AAR2: variants seen among roughly 807,000 people sequenced by gnomAD.
AAR2 encodes protein AAR2 homolog.
A neutral mutation model predicts 26.9 loss-of-function variants in AAR2; 31 were observed. That is an observed-to-expected ratio of 1.15 (90% CI 0.86 to 1.55). AAR2 has a LOEUF of 1.55. Among genes scored for constraint, AAR2 ranks in the 40% most tolerant of loss-of-function variants. The probability of loss-of-function intolerance (pLI) is 0.00; values close to 1 mark genes in which losing one functional copy is unlikely to be tolerated. For missense variants in AAR2, 430 were observed against 491.3 expected (o/e 0.88, Z 1.18); for synonymous variants, 188 against 196.1 (o/e 0.96, Z 0.34).
chr20:36,238,252 G>A (rs2064638634), intron 1 of AAR2, among the ~76,000 whole-genome samples: 1 of 152,094 alleles, frequency 6.6e-6, no homozygotes, highest in Non-Finnish European at 1.5e-5. Flanking sequence ...CAAAAATTCT[G>A]TTATTTTCGT....
intron 3 of AAR2, among the ~76,000 whole-genome samples, chr20:36,246,022 T>A (rs2064731311): frequency 6.6e-6 from 1 of 152,178 alleles, no homozygotes; most frequent in Non-Finnish European, 1.5e-5. Context: ...GAGACCCTGT[T>A]CACTCATTGA....
Position 36,240,099 on chromosome 20 carries a change from C to T in AAR2, c.231C>T (p.Phe77=). 4 of 1,614,238 alleles carry T rather than the reference C, an allele frequency of 2.5e-6. No individual in the cohort carries two copies. The highest frequency in any genetic ancestry group is 3.4e-6 in the Non-Finnish European group (4 of 1,180,040). ...NPKEVGPRMG[F]FLSLHQRGLT... is the part of the protein sequence containing the mutation. ...AGGAAGTAGGCCCTCGTATGGGTTT[C>T]TTCCTTAGCCTGCACCAGCGGGGGC... is the stretch of plus-strand genomic sequence containing the variant. Residue 77 remains phenylalanine, a synonymous_variant, in exon 2 of 4, where the codon TTC becomes TTT. Coordinates refer to ENST00000320849, the MANE Select transcript of AAR2 (RefSeq NM_001271874.2).
intron 3 of AAR2, among the ~76,000 whole-genome samples, chr20:36,251,066 A>T (rs1168931119): frequency 6.6e-6 from 1 of 152,070 alleles, no homozygotes; most frequent in Non-Finnish European, 1.5e-5. Flanking sequence ...GCATGGTGGC[A>T]TGTACCTATA....
intron 3 of AAR2, among the ~76,000 whole-genome samples, chr20:36,247,427 C>T (rs937996625): frequency 6.6e-6 from 1 of 152,158 alleles, no homozygotes; most frequent in South Asian, 2.1e-4. Context: ...AAACATTGGT[C>T]GCAAAGGCCA....
intron 1 of AAR2, 138 bp from the exon 2 acceptor site, chr20:36,239,683 C>T: frequency 2.9e-6 from 2 of 681,734 alleles, no homozygotes; most frequent in East Asian, 2.9e-5. Context: ...TCTGTAAACT[C>T]AATGCAGGGT....
chr20:36,255,924 T>C lies in AAR2; in HGVS notation c.*179T>C, dbSNP rs111273847. ...TATATTTCTTCATTGCCAAAGAGGC[T>C]GTACCCATCCTGAAGGCACATTTGT... On this transcript the variant is annotated 3_prime_UTR_variant, in exon 4 of 4. Coordinates refer to ENST00000320849, the MANE Select transcript of AAR2 (RefSeq NM_001271874.2). 4 of 885,884 alleles carry C rather than the reference T, an allele frequency of 4.5e-6. No homozygotes were observed. The East Asian group carries it at 1.1e-4, about 24-fold the overall frequency. The allele number at this position is 885,884 out of a possible 1,614,324, so 54.9% of individuals were successfully genotyped here. A position where few individuals can be genotyped will look rare whatever the true frequency, so the allele number is the denominator to read the frequency against.
rs201329835 is a variant in AAR2 at position 36,239,992 on chromosome 20, G to A, written c.124G>A (p.Gly42Arg). 1.4e-5 allele frequency: 23 copies of A among 1,614,038 alleles called. No homozygotes were observed. Among genetic ancestry groups the A allele is most frequent in the East Asian group, 2.2e-5 (1 of 44,892 alleles). Reference sequence around the variant, plus strand: ...GATTGACTATAACTCCTGGGAGGTCGGGCCCAAGTTCCGGGGCGTGAAGAT... The same window carrying A: ...GATTGACTATAACTCCTGGGAGGTCAGGCCCAAGTTCCGGGGCGTGAAGAT... ...FGIDYNSWEV[G>R]PKFRGVKMIP... is the part of the protein sequence containing the mutation. The change falls in exon 2 of 4, where the codon GGG (glycine) becomes AGG (arginine). Residue 42 changes from glycine to arginine, a missense_variant. By Grantham distance (125) the Gly-to-Arg change is moderately radical. Coordinates refer to ENST00000320849, the MANE Select transcript of AAR2 (RefSeq NM_001271874.2).
chr20:36,253,482 C>T (rs1029801874), intron 3 of AAR2, among the ~76,000 whole-genome samples: 2 of 152,166 alleles, frequency 1.3e-5, no homozygotes, highest in Non-Finnish European at 2.9e-5. Context: ...TCTGTTGTAT[C>T]TTTCCAGGGT....
chr20:36,255,176 C>T (rs1361042683), intron 3 of AAR2, among the ~76,000 whole-genome samples: 3 of 152,224 alleles, frequency 2.0e-5, no homozygotes, highest in Non-Finnish European at 4.4e-5. Flanking sequence ...AGCAGCAATT[C>T]AGTCGTGTTG....
At chr20:36,252,423 TCAACAG>T (rs2064787378) in intron 3 of AAR2, among the ~76,000 whole-genome samples, 1 of 152,106 alleles carries the variant, frequency 6.6e-6, no homozygotes, top group African/African-American at 2.4e-5. Context: ...GTGGACAAGA[TCAACAG>T]CAAATGGCCT....
Position 36,240,188 on chromosome 20 carries a change from A to T in AAR2, c.320A>T (p.Glu107Val), listed in dbSNP as rs751659734. 6.8e-5 allele frequency: 109 copies of T among 1,614,034 alleles called. No homozygotes were observed. In the Admixed American group the frequency reaches 9.2e-4, roughly 14 times the overall value. Residue 107 changes from glutamate to valine, a missense_variant, in exon 2 of 4, where the codon GAG becomes GTG. Transcript: ENST00000320849. ...GACCTGTCCCCAGCCCCAGAGTCTGAGGTGGAGGCCATGAGGGCCAACCTC... is the reference window on the plus strand; with the variant it reads ...GACCTGTCCCCAGCCCCAGAGTCTGTGGTGGAGGCCATGAGGGCCAACCTC... ...EVDLSPAPES[E>V]VEAMRANLQE...
At position 36,255,999 on chromosome 20, in the gene AAR2, A is replaced by C; in HGVS notation, c.*254A>C. 1 of 500,606 alleles carries C rather than the reference A, an allele frequency of 2.0e-6. No homozygotes were observed. The allele number at this position is 500,606 out of a possible 1,614,324, so 31.0% of individuals were successfully genotyped here. ...GTGCTAACCTGGCTGAATTTCACAC[A>C]GGCTCTTACACACACACGCTCCTAG... is the stretch of plus-strand genomic sequence containing the variant. On this transcript the variant is annotated 3_prime_UTR_variant, in exon 4 of 4. Coordinates refer to ENST00000320849, the MANE Select transcript of AAR2 (RefSeq NM_001271874.2).
At chr20:36,247,040 C>T (rs2064740821) in intron 3 of AAR2, among the ~76,000 whole-genome samples, 1 of 152,146 alleles carries the variant, frequency 6.6e-6, no homozygotes, top group Admixed American at 6.5e-5. Flanking sequence ...AGACTCTGTT[C>T]TAGAACTGGG....
rs2064657865 is a variant in AAR2, at chr20:36,239,945, T to C, written c.77T>C (p.Met26Thr). 4 of 1,614,056 alleles carry C rather than the reference T, an allele frequency of 2.5e-6. No individual in the cohort carries two copies. Among genetic ancestry groups the C allele is most frequent in the Non-Finnish European group, 3.4e-6 (4 of 1,179,932 alleles). ...GGGGCCACTGTGGTCATCCTGAACA[T>C]GCCCAAGGGAACAGAGTTTGGGATT... The part of the protein sequence containing the change: ...FEGATVVILN[M>T]PKGTEFGIDY... Residue 26 changes from methionine (M) to threonine (T), a missense_variant, in exon 2 of 4, where the codon ATG (methionine) becomes ACG (threonine). Physicochemically the swap from Met to Thr is moderately conservative, Grantham distance 81. Transcript: ENST00000320849.
intron 3 of AAR2, among the ~76,000 whole-genome samples, chr20:36,254,755 A>G (rs1275970385): frequency 6.6e-6 from 1 of 152,206 alleles, no homozygotes; most frequent in African/African-American, 2.4e-5. Context: ...TCAGCTTCAC[A>G]TGGGGTTATG....
At chr20:36,240,752 A>G in intron 2 of AAR2, 127 bp downstream of exon 2, 1 of 1,278,600 alleles carries the variant, frequency 7.8e-7, no homozygotes, top group South Asian at 1.5e-5. Context: ...CTGAAGATAC[A>G]GGTGTGTCTT....
chr20:36,241,025 C>T (rs866208952), intron 2 of AAR2, among the ~76,000 whole-genome samples: 5 of 152,062 alleles, frequency 3.3e-5, no homozygotes, highest in Non-Finnish European at 1.5e-5. Context: ...TTGCTCCTGA[C>T]CCTCAAGATG....
chr20:36,249,725 A>G (rs751423969), intron 3 of AAR2, among the ~76,000 whole-genome samples: 7 of 152,212 alleles, frequency 4.6e-5, no homozygotes, highest in South Asian at 2.1e-4. Context: ...CATTATATAG[A>G]TGAGGAAGCA....
intron 1 of AAR2, among the ~76,000 whole-genome samples, chr20:36,238,460 A>G (rs1189096620): frequency 2.6e-5 from 4 of 152,164 alleles, no homozygotes; most frequent in African/African-American, 9.7e-5. Context: ...TATTTAAAGT[A>G]AAAAGGGTAA....
Sources: gnomAD v4.1 joint callset for allele counts (sites outside exome capture counted in the v4.1 genomes callset) on GRCh38, gnomAD v4.1.1 for gene constraint, MANE v1.5 for transcripts, NCBI Gene and HGNC (gene_info 2026-07-23, HGNC 2026-07-21) for gene names.